ZPBP2: variants seen among roughly 807,000 people sequenced by gnomAD.
ZPBP2 encodes the protein zona pellucida-binding protein 2.
ZPBP2 carries 34 observed loss-of-function variants against 37.5 expected under a neutral mutation model. The ratio of observed to expected loss-of-function variants is 0.91; its 90% CI spans 0.69 to 1.21. The LOEUF is 1.21. Among genes scored for constraint, ZPBP2 ranks in the 50% most tolerant of loss-of-function variants. The pLI is 0.00. For synonymous variants in ZPBP2, 143 were observed against 138.4 expected, an observed-to-expected ratio of 1.03 and a Z score of -0.23; for missense variants, 397 against 413.5, an observed-to-expected ratio of 0.96 and a Z score of 0.35.
intron 7 of ZPBP2, among the ~76,000 whole-genome samples, chr17:39,875,797 C>T (rs547705138): frequency 4.7e-5 from 7 of 149,508 alleles, no homozygotes; most frequent in South Asian, 2.1e-4. Context: ...AGGCTGGTCT[C>T]GACTGAACTC....
chr17:39,872,273 A>T lies in ZPBP2; in HGVS notation c.410A>T (p.Tyr137Phe), dbSNP rs2063368407. 3.2e-6 allele frequency: 5 copies of T among 1,587,058 alleles called. No homozygotes were observed. The highest frequency in any genetic ancestry group is 3.7e-5 in the Admixed American group (2 of 53,350). ...KKRYDFMVFA[Y>F]REPDYSYQMA... ...CATCTTTCTTTTTTTTTTAAAGCCT[A>T]TCGGGAACCTGATTATTCATATCAG... The change falls in exon 5 of 8, where the codon TAT becomes TTT. Residue 137 changes from tyrosine to phenylalanine, a missense_variant. Coordinates refer to ENST00000348931, the MANE Select transcript of ZPBP2 (RefSeq NM_199321.3).
chr17:39,871,061 C>G (rs2063362560), intron 3 of ZPBP2, among the ~76,000 whole-genome samples: 1 of 151,934 alleles, frequency 6.6e-6, no homozygotes, highest in South Asian at 2.1e-4. Flanking sequence ...TTTATAAAAC[C>G]TAAAATTTAT....
Position 39,868,247 on chromosome 17 carries a change from C to T in ZPBP2, c.-108C>T. On this transcript the variant is annotated 5_prime_UTR_variant, in exon 1 of 8. Coordinates refer to ENST00000348931, the MANE Select transcript of ZPBP2 (RefSeq NM_199321.3). ...GCGACGGACGGGTAGGGGAGGCGAC[C>T]CCGGCGTTCTGCTCCGCACTGTGGA... 1 of 1,308,916 alleles carries T rather than the reference C, an allele frequency of 7.6e-7. No homozygotes were observed. Among genetic ancestry groups the T allele is most frequent in the Non-Finnish European group, 1.0e-6 (1 of 954,270 alleles). The allele number at this position is 1,308,916 out of a possible 1,614,324, so 81.1% of individuals were successfully genotyped here.
Position 39,872,470 on chromosome 17 carries a change from CT to C in ZPBP2, c.608del (p.Leu203HisfsTer3). 6.3e-7 allele frequency: 1 copy of C among 1,597,654 alleles called. No homozygotes were observed. Among genetic ancestry groups the C allele is most frequent in the South Asian group, 1.1e-5 (1 of 87,474 alleles). ...EIPEHGLIHE[L>X]FIAFQVNPFA... The stretch of plus-strand genomic sequence containing the variant: ...TCCAGAACATGGCCTCATACATGAG[CT>C]ATTTATAGCATTTCAAGGTAAAATT... On this transcript the variant is annotated frameshift_variant, in exon 5 of 8. Coordinates refer to ENST00000348931, the MANE Select transcript of ZPBP2 (RefSeq NM_199321.3). LOFTEE classifies it high-confidence loss of function.
intron 6 of ZPBP2, 83 bp downstream of exon 6, chr17:39,873,209 T>C (rs2063373675): frequency 4.0e-6 from 5 of 1,261,810 alleles, no homozygotes; most frequent in Non-Finnish European, 5.5e-6. Flanking sequence ...AGTGCAGTGG[T>C]GCGACCATAG....
At chr17:39,875,745 A>G (rs187644476) in intron 7 of ZPBP2, among the ~76,000 whole-genome samples, 6 of 151,818 alleles carry the variant, frequency 4.0e-5, no homozygotes. Context: ...ACAGCTGGCT[A>G]ATTTTTGTAA....
intron 4 of ZPBP2, 45 bp from the exon 5 acceptor site, chr17:39,872,225 C>CTAGG: frequency 7.0e-7 from 1 of 1,437,470 alleles, no homozygotes; most frequent in South Asian, 1.3e-5. Flanking sequence ...GAAATTAATG[C>CTAGG]TAGGTACGAT....
chr17:39,872,327 G>A lies in ZPBP2; in HGVS notation c.464G>A (p.Cys155Tyr), dbSNP rs766363930. The stretch of plus-strand genomic sequence containing the variant: ...GCTGTACGTTTTACCACAAGGTCTT[G>A]TATAGGGAGATACAATGATGTATTC... ...QMAVRFTTRS[C>Y]IGRYNDVFFR... Residue 155 changes from cysteine (C) to tyrosine (Y), a missense_variant, in exon 5 of 8, where the codon TGT (cysteine) becomes TAT (tyrosine). Physicochemically the swap from Cys to Tyr is radical, Grantham distance 194. Transcript: ENST00000348931. 12 of 1,613,034 alleles carry A rather than the reference G, an allele frequency of 7.4e-6. No homozygotes were observed. In the South Asian group the frequency reaches 1.2e-4, roughly 16 times the overall value.
At position 39,872,297 on chromosome 17, in the gene ZPBP2, A is replaced by G. The variant is rs774873647; in HGVS notation, c.434A>G (p.Gln145Arg). The G allele has an allele frequency of 4.4e-6, 7 of 1,608,564 alleles. No individual in the cohort carries two copies. The African/African-American group carries it at 9.4e-5, about 22-fold the overall frequency. Reference protein sequence around the residue: ...FAYREPDYSYQMAVRFTTRSC... With the variant: ...FAYREPDYSYRMAVRFTTRSC... ...TATCGGGAACCTGATTATTCATATC[A>G]GATGGCTGTACGTTTTACCACAAGG... Residue 145 changes from glutamine (Q) to arginine (R), a missense_variant, in exon 5 of 8, where the codon CAG becomes CGG. Transcript: ENST00000348931.
intron 7 of ZPBP2, among the ~76,000 whole-genome samples, 170 bp downstream of exon 7, chr17:39,875,604 T>TG (rs1324232040): frequency 2.0e-5 from 3 of 151,392 alleles, no homozygotes; most frequent in Non-Finnish European, 4.4e-5. Flanking sequence ...TTTTTTTTTT[T>TG]TTTGTTTTTT....
chr17:39,869,219 A>G (rs767125705), intron 2 of ZPBP2, among the ~76,000 whole-genome samples: 6 of 152,170 alleles, frequency 3.9e-5, no homozygotes, highest in Non-Finnish European at 5.9e-5. Flanking sequence ...TCTGGGTTGC[A>G]GTGATTCCAA....
At position 39,872,269 on chromosome 17, in the gene ZPBP2, G is replaced by A. The variant is rs2063368367; in HGVS notation, c.407-1G>A. 3 of 1,573,740 alleles carry A rather than the reference G, an allele frequency of 1.9e-6. No homozygotes were observed. Among genetic ancestry groups the A allele is most frequent in the Non-Finnish European group, 2.6e-6 (3 of 1,165,312 alleles). On this transcript the variant is annotated splice_acceptor_variant, in intron 4 of 7. Transcript: ENST00000348931. LOFTEE classifies it high-confidence loss of function. ...CTCTCATCTTTCTTTTTTTTTTAAA[G>A]CCTATCGGGAACCTGATTATTCATA...
In ZPBP2 at chr17:39,871,625, G is replaced by C. The variant is rs746660021; in HGVS notation, c.406G>C (p.Ala136Pro). 13 of 1,549,402 alleles carry C rather than the reference G, an allele frequency of 8.4e-6. No homozygotes were observed. Among genetic ancestry groups the C allele is most frequent in the Admixed American group, 2.1e-5 (1 of 47,772 alleles). ...AAAGAGATATGACTTTATGGTCTTT[G>C]GTAAGAATTTAGGCACATTTTAACT... ...VKKRYDFMVFAYREPDYSYQM... is the reference protein window; with the variant it reads ...VKKRYDFMVFPYREPDYSYQM... Residue 136 changes from alanine (A) to proline (P), a missense_variant and splice_region_variant, in exon 4 of 8, where the codon GCC becomes CCC. Ala to Pro is a conservative substitution (Grantham distance 27). Transcript: ENST00000348931.
chr17:39,872,562 TATAAG>T lies in ZPBP2; in HGVS notation c.625+78_625+82del, dbSNP rs1236640927. On this transcript the variant is annotated intron_variant, in intron 5 of 7. Transcript: ENST00000348931. ...ATAGATTACAAAATTACCATATTAA[TATAAG>T]ATATTTTAAAAGTAATAGGTCTTAC... is the stretch of plus-strand genomic sequence containing the variant. 1.2e-5 allele frequency: 12 copies of T among 984,262 alleles called. No homozygotes were observed. The African/African-American group carries it at 2.0e-4, about 16-fold the overall frequency. 61.0% of individuals were successfully genotyped at this position (984,262 alleles called of 1,614,324 possible). A position where few individuals can be genotyped will look rare whatever the true frequency, so the allele number is the denominator to read the frequency against.
At chr17:39,873,964 G>A (rs2063377189) in intron 6 of ZPBP2, among the ~76,000 whole-genome samples, 2 of 150,330 alleles carry the variant, frequency 1.3e-5, no homozygotes, top group Non-Finnish European at 3.0e-5. Context: ...GGTTTATAAT[G>A]CTGATTAAAG....
At chr17:39,873,981 CTTTTT>C (rs1037217858) in intron 6 of ZPBP2, among the ~76,000 whole-genome samples, 1 of 117,340 alleles carries the variant, frequency 8.5e-6, no homozygotes. Context: ...AAAGAAAAGT[CTTTTT>C]TTTTTTTTTT....
In ZPBP2 at chr17:39,876,761, TA is replaced by T; in HGVS notation, c.972del (p.Lys324AsnfsTer30). 6.2e-7 allele frequency: 1 copy of T among 1,613,960 alleles called. No individual in the cohort carries two copies. The highest frequency in any genetic ancestry group is 8.5e-7 in the Non-Finnish European group (1 of 1,179,930). ...GCGTTTCCGTCCTTACCTATGGAGC[TA>T]AATCTTGCCCACAAACTTCAAACAA... ...TCVSVLTYGA[K>X]SCPQTSNKNQ... On this transcript the variant is annotated frameshift_variant, in exon 8 of 8. Coordinates refer to ENST00000348931, the MANE Select transcript of ZPBP2 (RefSeq NM_199321.3). LOFTEE classifies it high-confidence loss of function.
intron 7 of ZPBP2, 61 bp from the exon 8 acceptor site, chr17:39,876,621 C>T: frequency 6.3e-7 from 1 of 1,580,076 alleles, no homozygotes; most frequent in South Asian, 1.1e-5. Flanking sequence ...AGAATACCTC[C>T]AAGTAGTAGA....
In ZPBP2 at chr17:39,870,739, G is replaced by A. The variant is rs1247120370; in HGVS notation, c.164G>A (p.Cys55Tyr). 1 of 1,558,986 alleles carries A rather than the reference G, an allele frequency of 6.4e-7. No individual in the cohort carries two copies. The highest frequency in any genetic ancestry group is 1.2e-5 in the South Asian group (1 of 82,594). ...CATCAAAATAGTCCAGTCCTTATCT[G>A]TATGGATTTTAAGCTTTCTAAAAAA... is the stretch of plus-strand genomic sequence containing the variant. ...ELHQNSPVLICMDFKLSKKEI... is the reference protein window; with the variant it reads ...ELHQNSPVLIYMDFKLSKKEI... The change falls in exon 3 of 8, where the codon TGT becomes TAT. Residue 55 changes from cysteine (C) to tyrosine (Y), a missense_variant. Cys to Tyr is a radical substitution (Grantham distance 194). Coordinates refer to ENST00000348931, the MANE Select transcript of ZPBP2 (RefSeq NM_199321.3).
Sources: gnomAD v4.1 joint callset for allele counts (sites outside exome capture counted in the v4.1 genomes callset) on GRCh38, gnomAD v4.1.1 for gene constraint, MANE v1.5 for transcripts, NCBI Gene and HGNC (gene_info 2026-07-23, HGNC 2026-07-21) for gene names.